ZNF471: variants seen among roughly 807,000 people sequenced by gnomAD.
The protein encoded by ZNF471 is EZFIT-related protein 1.
Under a neutral mutation model 13.7 loss-of-function variants are expected in ZNF471, and 7 were observed. That is an observed-to-expected ratio of 0.51 (90% CI 0.29 to 0.96). The LOEUF (loss-of-function observed/expected upper bound fraction) is 0.96. ZNF471 is among the 40% of genes least tolerant of loss of function. The pLI is 0.08. For synonymous variants in ZNF471, 218 were observed against 235.6 expected (o/e 0.93, Z 0.68); for missense variants, 663 against 743.3 (o/e 0.89, Z 1.26).
At chr19:56,518,629 C>T in intron 4 of ZNF471, 52 bp downstream of exon 4, 1 of 1,489,600 alleles carries the variant, frequency 6.7e-7, no homozygotes, top group Non-Finnish European at 9.3e-7. Flanking sequence ...ATGGCTCAGC[C>T]ATTTTTAGAG....
intron 4 of ZNF471, among the ~76,000 whole-genome samples, chr19:56,521,648 A>AAAC (rs1226717906): frequency 4.8e-5 from 7 of 144,854 alleles, no homozygotes; most frequent in African/African-American, 1.8e-4. Context: ...CAAAAAAAAA[A>AAAC]AAAAAAAAAA....
In ZNF471 at chr19:56,525,540, ATG is replaced by A. The variant is rs771471502; in HGVS notation, c.1476_1477del (p.Cys492TrpfsTer5). ...TGEKPYECKECGKAFRISSQL... is the reference protein window; with the variant it reads ...TGEKPYECKEXGKAFRISSQL... ...GTGAAAAACCCTATGAATGTAAAGA[ATG>A]TGGAAAAGCTTTTAGAATCAGTTCA... On this transcript the variant is annotated frameshift_variant, in exon 5 of 5. Transcript: ENST00000308031. LOFTEE classifies it low-confidence loss of function (END_TRUNC). 7 of 1,614,096 alleles carry A rather than the reference ATG, an allele frequency of 4.3e-6. No homozygotes were observed. In the South Asian group the frequency reaches 6.6e-5, roughly 15 times the overall value.
In ZNF471 at chr19:56,511,601, C is replaced by G. The variant is rs2043812778; in HGVS notation, c.30C>G (p.Pro10=). 6.2e-6 allele frequency: 10 copies of G among 1,612,280 alleles called. No individual in the cohort carries two copies. The highest frequency in any genetic ancestry group is 8.5e-6 in the Non-Finnish European group (10 of 1,178,390). The stretch of plus-strand genomic sequence containing the variant: ...ATGTTGAAGTAGTAAAAGTCATGCC[C>G]CAGGTTAGTGGATATTTTCTTTCTC... The part of the protein sequence containing the change: MNVEVVKVM[P]QDLVTFKDVA... The change falls in exon 2 of 5, where the codon CCC becomes CCG. Residue 10 remains proline, a synonymous_variant. Transcript: ENST00000308031.
intron 2 of ZNF471, among the ~76,000 whole-genome samples, chr19:56,512,812 T>C (rs118133994): frequency 0.032 from 4,898 of 152,296 alleles, 146 homozygotes; most frequent in Non-Finnish European, 0.043. Context: ...TTTCATGACA[T>C]ACATGAGTGT....
intron 4 of ZNF471, among the ~76,000 whole-genome samples, chr19:56,519,023 C>T (rs537331209): frequency 5.4e-4 from 82 of 152,214 alleles, no homozygotes; most frequent in African/African-American, 1.7e-3. Flanking sequence ...TCTTCCTGAT[C>T]AGCTCCTTCC....
At chr19:56,513,071 C>G (rs2043832553) in intron 2 of ZNF471, among the ~76,000 whole-genome samples, 1 of 152,112 alleles carries the variant, frequency 6.6e-6, no homozygotes, top group Non-Finnish European at 1.5e-5. Flanking sequence ...AAAATTCTAC[C>G]TGAAGTCACA....
chr19:56,524,265 G>A lies in ZNF471; in HGVS notation c.257-59G>A. 2 of 1,160,456 alleles carry A rather than the reference G, an allele frequency of 1.7e-6. No homozygotes were observed. The highest frequency in any genetic ancestry group is 2.4e-6 in the Non-Finnish European group (2 of 833,610). The allele number at this position is 1,160,456 out of a possible 1,614,324, so 71.9% of individuals were successfully genotyped here. On this transcript the variant is annotated intron_variant, in intron 4 of 4. Transcript: ENST00000308031. This position sits in a 1 kb window ranked among gnomAD's most constrained non-coding sequence, Gnocchi z 4.8. ...ATTTTTAAATTACCTTTTTCACAATGTCTCCTTTGTTGTAGCCCATGATAA... is the reference window on the plus strand; with the variant it reads ...ATTTTTAAATTACCTTTTTCACAATATCTCCTTTGTTGTAGCCCATGATAA...
chr19:56,519,880 C>T (rs1368108864), intron 4 of ZNF471, among the ~76,000 whole-genome samples: 2 of 152,240 alleles, frequency 1.3e-5, no homozygotes, highest in Non-Finnish European at 2.9e-5. Flanking sequence ...CTGTCCTGCC[C>T]AGATCATGAA....
At position 56,522,260 on chromosome 19, in the gene ZNF471, T is replaced by C. The variant is rs10416610; in HGVS notation, c.257-2064T>C. On this transcript the variant is annotated intron_variant, in intron 4 of 4. Coordinates refer to ENST00000308031, the MANE Select transcript of ZNF471 (RefSeq NM_020813.4). This position sits in a 1 kb window ranked among gnomAD's most constrained non-coding sequence, Gnocchi z 4.1. ...AACCCAAGTTATTCAAGACACTGGA[T>C]ATTCCTGATACCATGAAGACCTGGA... Among the ~76,000 whole-genome samples the C allele has an allele frequency of 8.0e-3, 1,225 of 152,332 alleles. 19 individuals carry two copies. The highest frequency in any genetic ancestry group is 0.027 in the African/African-American group (1,105 of 41,568).
In ZNF471 at chr19:56,524,291, A is replaced by G. The variant is rs2044013213; in HGVS notation, c.257-33A>G. 2 of 1,411,758 alleles carry G rather than the reference A, an allele frequency of 1.4e-6. No homozygotes were observed. Among genetic ancestry groups the G allele is most frequent in the East Asian group, 4.7e-5 (2 of 42,530 alleles). The allele number at this position is 1,411,758 out of a possible 1,614,324, so 87.5% of individuals were successfully genotyped here. ...TCTCCTTTGTTGTAGCCCATGATAA[A>G]GGGAACATTCACTTTTTTTTAATAT... On this transcript the variant is annotated intron_variant, in intron 4 of 4. Coordinates refer to ENST00000308031, the MANE Select transcript of ZNF471 (RefSeq NM_020813.4). This position sits in a 1 kb window ranked among gnomAD's most constrained non-coding sequence, Gnocchi z 4.8.
intron 1 of ZNF471, chr19:56,509,714 G>GGTT (rs2043784036): frequency 1.1e-5 from 2 of 178,254 alleles, no homozygotes; most frequent in East Asian, 2.0e-4. Context: ...TTGCTTGCCT[G>GGTT]GTGTGTGTGT....
intron 2 of ZNF471, among the ~76,000 whole-genome samples, chr19:56,514,114 A>C (rs1600508928): frequency 7.7e-6 from 1 of 129,510 alleles, no homozygotes; most frequent in Admixed American, 9.2e-5. Flanking sequence ...CCCAGGCTGG[A>C]GTGCAGTGGC....
rs1438647777 is a variant in ZNF471, at chr19:56,508,352, G to A, written c.-56+432G>A. On this transcript the variant is annotated intron_variant, in intron 1 of 4. Transcript: ENST00000308031. This position sits in a 1 kb window ranked among gnomAD's most constrained non-coding sequence, Gnocchi z 4.7. ...CAGTGAGTGTGAGAGAGATAGGGAT[G>A]TGCCTGCATTTGAAAGAGAGCGTGT... 6.6e-6 allele frequency among the ~76,000 whole-genome samples: 1 copy of A among 151,792 alleles called. No individual in the cohort carries two copies. Among genetic ancestry groups the A allele is most frequent in the Non-Finnish European group, 1.5e-5 (1 of 67,924 alleles).
At position 56,522,758 on chromosome 19, in the gene ZNF471, T is replaced by G. The variant is rs1034029004; in HGVS notation, c.257-1566T>G. On this transcript the variant is annotated intron_variant, in intron 4 of 4. Coordinates refer to ENST00000308031, the MANE Select transcript of ZNF471 (RefSeq NM_020813.4). The surrounding 1 kb of genome is among the most constrained non-coding windows in gnomAD (Gnocchi z 4.1). ...TTTTTTTCTTTTTTTTTTTTTGAGA[T>G]GGAGTTTCATTCTTGTCACCCAGGC... Among the ~76,000 whole-genome samples the G allele has an allele frequency of 5.3e-5, 8 of 151,446 alleles. No homozygotes were observed. Among genetic ancestry groups the G allele is most frequent in the African/African-American group, 1.7e-4 (7 of 41,218 alleles).
In ZNF471 at chr19:56,525,609, T is replaced by C. The variant is rs781587883; in HGVS notation, c.1542T>C (p.Pro514=). The C allele has an allele frequency of 6.2e-7, 1 of 1,614,070 alleles. No individual in the cohort carries two copies. The highest frequency in any genetic ancestry group is 8.5e-7 in the Non-Finnish European group (1 of 1,179,988). ...AGAGAATTCATACTGGAGAGAAGCC[T>C]TATGAATGTATTGAATGTGGAAATG... is the stretch of plus-strand genomic sequence containing the variant. ...THQRIHTGEK[P]YECIECGNAF... The change falls in exon 5 of 5, where the codon CCT becomes CCC. Residue 514 remains proline (P), a synonymous_variant. Coordinates refer to ENST00000308031, the MANE Select transcript of ZNF471 (RefSeq NM_020813.4).
At chr19:56,511,420 C>A in intron 1 of ZNF471, 97 bp from the exon 2 acceptor site, 1 of 936,430 alleles carries the variant, frequency 1.1e-6, no homozygotes, top group Non-Finnish European at 1.6e-6. Context: ...GTTATGGGAT[C>A]AACCAAAGCT....
At chr19:56,511,952 A>G (rs1600506209) in intron 2 of ZNF471, among the ~76,000 whole-genome samples, 1 of 152,280 alleles carries the variant, frequency 6.6e-6, no homozygotes, top group East Asian at 1.9e-4. Context: ...TGCGTTTCCT[A>G]TATATAGAAT....
intron 2 of ZNF471, among the ~76,000 whole-genome samples, chr19:56,514,213 C>T (rs2043849765): frequency 1.3e-5 from 2 of 151,884 alleles, no homozygotes; most frequent in Non-Finnish European, 2.9e-5. Context: ...AGGCATGCAC[C>T]ACCATGCACA....
chr19:56,507,989 C>T, intron 1 of ZNF471, 69 bp downstream of exon 1: 5 of 985,938 alleles, frequency 5.1e-6, no homozygotes, highest in Non-Finnish European at 6.0e-6. Flanking sequence ...AGGCGGGCGG[C>T]TCCGACGCGG....
Sources: gnomAD v4.1 joint callset for allele counts (sites outside exome capture counted in the v4.1 genomes callset) on GRCh38, gnomAD v4.1.1 for gene constraint, Gnocchi (gnomAD v3.1) non-coding constraint, MANE v1.5 for transcripts, NCBI Gene and HGNC (gene_info 2026-07-23, HGNC 2026-07-21) for gene names.